COPE: variants seen among roughly 807,000 people sequenced by gnomAD.
COPE encodes the protein coatomer subunit epsilon.
Under a neutral mutation model 42.1 loss-of-function variants are expected in COPE, and 19 were observed. That is an observed-to-expected ratio of 0.45 (90% CI 0.31 to 0.66). COPE has a LOEUF of 0.66. Ranked by LOEUF, COPE falls within the 30% of genes least tolerant of loss-of-function variation. COPE has a pLI of 0.05. For synonymous variants in COPE, 195 were observed against 181.3 expected (o/e 1.08, Z -0.60); for missense variants, 402 against 416.1 (o/e 0.97, Z 0.30).
chr19:18,909,674 G>C (rs900662065), intron 3 of COPE, among the ~76,000 whole-genome samples: 11 of 151,940 alleles, frequency 7.2e-5, no homozygotes, highest in Admixed American at 2.6e-4. Flanking sequence ...ATCACATCCT[G>C]TTAATTCTGT....
chr19:18,899,947 C>A lies in COPE; in HGVS notation c.805G>T (p.Val269Leu). 6.2e-7 allele frequency: 1 copy of A among 1,612,570 alleles called. No individual in the cohort carries two copies. The highest frequency in any genetic ancestry group is 8.5e-7 in the Non-Finnish European group (1 of 1,179,400). The change falls in exon 9 of 10, where the codon GTG becomes TTG. Residue 269 changes from valine to leucine, a missense_variant and splice_region_variant. By Grantham distance (32) the Val-to-Leu change is conservative. Coordinates refer to ENST00000262812, the MANE Select transcript of COPE (RefSeq NM_007263.4). ...LSQHLGKPPE[V>L]TNRYLSQLKD... ...AGCTGGGACAGGTATCGGTTTGTCA[C>A]CTGCAGGGGAGGCAGGGAGGCAGGT...
intron 6 of COPE, among the ~76,000 whole-genome samples, chr19:18,903,729 G>A (rs778039852): frequency 2.0e-5 from 3 of 152,232 alleles, no homozygotes; most frequent in Non-Finnish European, 4.4e-5. Context: ...TCTGAGTGGG[G>A]ACCACTGGGT....
At chr19:18,914,903 T>C (rs80143570) in intron 1 of COPE, among the ~76,000 whole-genome samples, 2,194 of 151,864 alleles carry the variant, frequency 0.014, 47 homozygotes, top group African/African-American at 0.045. Context: ...ACTATATGTA[T>C]TTTTAGTAGA....
rs546377172 is a variant in COPE at position 18,903,014 on chromosome 19, GACA to G, written c.735+251_735+253del. On this transcript the variant is annotated intron_variant, in intron 7 of 9. Transcript: ENST00000262812. The stretch of plus-strand genomic sequence containing the variant: ...AGGTCCCGGGCCAGGCAGCTGAGGT[GACA>G]ACAAGGACGGCTCAGACCACTGAGG... Among the ~76,000 whole-genome samples the G allele has an allele frequency of 1.1e-3, 167 of 152,032 alleles. 1 individual carries two copies. The highest frequency in any genetic ancestry group is 3.6e-3 in the African/African-American group (151 of 41,426).
rs572045966 is a variant in COPE at position 18,910,987 on chromosome 19, C to T, written c.274G>A (p.Ala92Thr). ...GGGCCTCACCTCCGACTCTCGTGGG[C>T]GAGGTAGTCAGCAAACATGCGCACG... ...QAVRMFADYL[A>T]HESRRDSIVA... Residue 92 changes from alanine to threonine, a missense_variant, in exon 3 of 10, where the codon GCC becomes ACC. Ala to Thr is a moderately conservative substitution (Grantham distance 58). Coordinates refer to ENST00000262812, the MANE Select transcript of COPE (RefSeq NM_007263.4). 112 of 1,613,874 alleles carry T rather than the reference C, an allele frequency of 6.9e-5. No individual in the cohort carries two copies. The highest frequency in any genetic ancestry group is 5.0e-4 in the Middle Eastern group (3 of 6,060).
At chr19:18,916,020 A>G (rs2056850597) in intron 1 of COPE, among the ~76,000 whole-genome samples, 1 of 152,216 alleles carries the variant, frequency 6.6e-6, no homozygotes, top group African/African-American at 2.4e-5. Flanking sequence ...GGCTTAAAAA[A>G]TGTATTCCTC....
At position 18,899,559 on chromosome 19, in the gene COPE, G is replaced by C. The variant is rs1010890228; in HGVS notation, c.*120C>G. ...TTGAGATATTTATTAACAGATGGGG[G>C]TGCTGGGGGTGGGCTCCTGCCCCCA... On this transcript the variant is annotated 3_prime_UTR_variant, in exon 10 of 10. Transcript: ENST00000262812. The C allele has an allele frequency of 6.6e-6, 6 of 911,086 alleles. No homozygotes were observed. The South Asian group carries it at 7.2e-5, about 11-fold the overall frequency. The allele number at this position is 911,086 out of a possible 1,614,324, so 56.4% of individuals were successfully genotyped here. A position where few individuals can be genotyped will look rare whatever the true frequency, so the allele number is the denominator to read the frequency against.
chr19:18,901,165 C>G (rs939380995), intron 7 of COPE, among the ~76,000 whole-genome samples: 1 of 152,228 alleles, frequency 6.6e-6, no homozygotes, highest in African/African-American at 2.4e-5. Context: ...AGGGTGACCA[C>G]AGCCACGGGG....
At chr19:18,915,376 C>T (rs1432630311) in intron 1 of COPE, among the ~76,000 whole-genome samples, 3 of 152,224 alleles carry the variant, frequency 2.0e-5, no homozygotes, top group Non-Finnish European at 4.4e-5. Context: ...GCAGAGTGCA[C>T]TGGAGAGACA....
chr19:18,903,834 C>T (rs1160874599), intron 6 of COPE, among the ~76,000 whole-genome samples: 1 of 152,222 alleles, frequency 6.6e-6, no homozygotes, highest in African/African-American at 2.4e-5. Context: ...CAGGGGGAGC[C>T]TGAGGCCAAG....
chr19:18,901,248 C>CAGAT (rs2056695837), intron 7 of COPE, among the ~76,000 whole-genome samples: 1 of 152,254 alleles, frequency 6.6e-6, no homozygotes, highest in Non-Finnish European at 1.5e-5. Context: ...AGAAGGGAGT[C>CAGAT]ATCTAACTGG....
At chr19:18,911,282 A>G in intron 2 of COPE, 1 of 583,522 alleles carries the variant, frequency 1.7e-6, no homozygotes, top group Non-Finnish European at 3.1e-6. Context: ...GCAGGGCCAC[A>G]CTGCCCATGC....
rs1326773389 is a variant in COPE at position 18,899,740 on chromosome 19, C to G, written c.880-14G>C. On this transcript the variant is annotated splice_polypyrimidine_tract_variant and intron_variant, in intron 9 of 9. Coordinates refer to ENST00000262812, the MANE Select transcript of COPE (RefSeq NM_007263.4). ...AAAGTCGTTCTCCTTTAGCAAGACA[C>G]ATGGCAACACAGGGTGGGGGCAGGG... 2 of 1,613,702 alleles carry G rather than the reference C, an allele frequency of 1.2e-6. No individual in the cohort carries two copies. The highest frequency in any genetic ancestry group is 3.3e-5 in the Admixed American group (2 of 60,012).
rs73526962 is a variant in COPE, at chr19:18,909,906, G to A, written c.290+1065C>T. Among the ~76,000 whole-genome samples, 1,298 of 152,176 alleles carry A rather than the reference G, an allele frequency of 8.5e-3. 10 individuals are homozygous for A. Among genetic ancestry groups the A allele is most frequent in the African/African-American group, 0.028 (1,175 of 41,518 alleles). ...ATCTCCTTATCTCTTAATCTGATCG[G>A]CAAAGACCCTTTTTCCAAATGATAT... On this transcript the variant is annotated intron_variant, in intron 3 of 9. Transcript: ENST00000262812.
chr19:18,911,881 G>A (rs1358890085), intron 2 of COPE, among the ~76,000 whole-genome samples: 7 of 124,464 alleles, frequency 5.6e-5, no homozygotes, highest in Non-Finnish European at 9.8e-5. Flanking sequence ...ATGGAGTTTC[G>A]CTCTTGGTGC....
At chr19:18,902,742 G>A (rs1391080792) in intron 7 of COPE, among the ~76,000 whole-genome samples, 1 of 64,048 alleles carries the variant, frequency 1.6e-5, no homozygotes, top group East Asian at 2.4e-4. Context: ...AGGAAGGAAA[G>A]GAAGGAAAGG....
chr19:18,899,794 G>C, intron 9 of COPE, 68 bp from the exon 10 acceptor site: 2 of 1,610,820 alleles, frequency 1.2e-6, no homozygotes, highest in Non-Finnish European at 1.7e-6. Context: ...GGGAGAGAGA[G>C]AGGGCGCATG....
chr19:18,904,652 C>T (rs1031746789), intron 6 of COPE, 119 bp downstream of exon 6: 41 of 867,544 alleles, frequency 4.7e-5, no homozygotes, highest in Admixed American at 2.5e-4. Flanking sequence ...GCAGGGGCCA[C>T]GGCCTGATCC....
chr19:18,918,146 G>A (rs1314854167), intron 1 of COPE, among the ~76,000 whole-genome samples: 9 of 127,586 alleles, frequency 7.1e-5, no homozygotes, highest in East Asian at 2.2e-4. Flanking sequence ...CCGAGATCAC[G>A]CCACTGCACT....
Sources: gnomAD v4.1 joint callset for allele counts (sites outside exome capture counted in the v4.1 genomes callset) on GRCh38, gnomAD v4.1.1 for gene constraint, MANE v1.5 for transcripts, NCBI Gene and HGNC (gene_info 2026-07-23, HGNC 2026-07-21) for gene names.